CAST: variants seen among roughly 807,000 people sequenced by gnomAD.
CAST encodes MIR583 host.
Under a neutral mutation model 119.6 loss-of-function variants are expected in CAST, and 76 were observed. The observed-to-expected ratio is 0.64, with a 90% CI of 0.53 to 0.77. The LOEUF (loss-of-function observed/expected upper bound fraction) is 0.77. Ranked by LOEUF, CAST falls within the 30% of genes least tolerant of loss-of-function variation. The pLI is 0.00. For missense variants in CAST, 953 were observed against 946.5 expected (o/e 1.01, Z -0.09); for synonymous variants, 319 against 331.6 (o/e 0.96, Z 0.41).
chr5:96,006,434 T>C, the CAST span, among the ~76,000 whole-genome samples: 1 of 152,090 alleles, frequency 6.6e-6, no homozygotes, highest in African/African-American at 2.4e-5. Context: ...TGGGCCACAT[T>C]CCAAGCCATC....
intron 2 of CAST, among the ~76,000 whole-genome samples, chr5:96,690,289 T>C (rs112571962): frequency 0.042 from 6,342 of 152,206 alleles, 178 homozygotes; most frequent in Middle Eastern, 0.092. Flanking sequence ...TGGAATGCAA[T>C]GGTGTGATCT....
At chr5:96,646,479 G>T (rs953856139) in intron 1 of CAST, among the ~76,000 whole-genome samples, 18 of 152,208 alleles carry the variant, frequency 1.2e-4, no homozygotes, top group Non-Finnish European at 2.4e-4. Flanking sequence ...TGTCTTGCAA[G>T]ATGTATTGTT....
chr5:96,162,212 A>C, the CAST span, among the ~76,000 whole-genome samples: 5 of 152,356 alleles, frequency 3.3e-5, no homozygotes, highest in Admixed American at 2.0e-4. Flanking sequence ...TAAAGCATTC[A>C]GTCTTGTATC....
intron 1 of CAST, among the ~76,000 whole-genome samples, chr5:96,547,379 T>C (rs1290451004): frequency 6.6e-6 from 1 of 152,168 alleles, no homozygotes. Context: ...GTGCCACTTG[T>C]GTAAGTCCTT....
chr5:96,246,318 G>T, the CAST span, among the ~76,000 whole-genome samples: 1 of 151,898 alleles, frequency 6.6e-6, no homozygotes, highest in African/African-American at 2.4e-5. Flanking sequence ...GAGTAGCTGG[G>T]ACTACAGGCA....
Position 96,662,476 on chromosome 5 carries a change from C to A in CAST, c.54C>A (p.Ala18=). Residue 18 remains alanine (A), a synonymous_variant, in exon 1 of 32, where the codon GCC becomes GCA. Transcript: ENST00000675179. ...PAASPRPRRA[A]AARRTHEHVS... ...CCTCCCCGCGGCCCCGGCGAGCAGCCGCCGCCCGCCGCACCCATGAGGTGA... is the reference window on the plus strand; with the variant it reads ...CCTCCCCGCGGCCCCGGCGAGCAGCAGCCGCCCGCCGCACCCATGAGGTGA... The A allele has an allele frequency of 7.0e-7, 1 of 1,427,984 alleles. No individual in the cohort carries two copies. The highest frequency in any genetic ancestry group is 9.1e-7 in the Non-Finnish European group (1 of 1,094,698). 88.5% of individuals were successfully genotyped at this position (1,427,984 alleles called of 1,614,324 possible). A position where few individuals can be genotyped will look rare whatever the true frequency, so the allele number is the denominator to read the frequency against.
At chr5:96,651,248 G>T (rs1748091016) in intron 1 of CAST, among the ~76,000 whole-genome samples, 1 of 152,170 alleles carries the variant, frequency 6.6e-6, no homozygotes, top group Non-Finnish European at 1.5e-5. Context: ...AACTTGTAGT[G>T]GGACAAGAAC....
the CAST span, among the ~76,000 whole-genome samples, chr5:96,502,934 A>G: frequency 6.6e-6 from 1 of 152,128 alleles, no homozygotes; most frequent in African/African-American, 2.4e-5. Flanking sequence ...TTTTTCTGCC[A>G]TCCAACAAGC....
At chr5:95,982,983 A>C in the CAST span, among the ~76,000 whole-genome samples, 1 of 152,242 alleles carries the variant, frequency 6.6e-6, no homozygotes, top group African/African-American at 2.4e-5. Context: ...AAATGAAAGA[A>C]TGAGGCAATT....
rs57197870 is a variant in CAST, at chr5:96,759,874, A to G, written c.1833+2220A>G. Among the ~76,000 whole-genome samples, 62 of 152,144 alleles carry G rather than the reference A, an allele frequency of 4.1e-4. No homozygotes were observed. In the East Asian group the frequency reaches 0.011, roughly 28 times the overall value. ...ATCTTACTAATAAAATTTAACATAA[A>G]TGTGAGAAAATACAATAATCAGTAC... On this transcript the variant is annotated intron_variant, in intron 24 of 31. Coordinates refer to ENST00000675179, the MANE Select transcript of CAST (RefSeq NM_001750.7).
intron 3 of CAST, among the ~76,000 whole-genome samples, chr5:96,719,505 G>A (rs1040011656): frequency 1.3e-5 from 2 of 152,112 alleles, no homozygotes; most frequent in African/African-American, 4.8e-5. Context: ...GCGGGTGAGT[G>A]GAGAGTAATT....
At chr5:96,509,409 T>A in the CAST span, among the ~76,000 whole-genome samples, 1 of 152,200 alleles carries the variant, frequency 6.6e-6, no homozygotes, top group Non-Finnish European at 1.5e-5. Flanking sequence ...TTTGAAAAAG[T>A]ACTATCTCAA....
the CAST span, among the ~76,000 whole-genome samples, chr5:96,143,343 G>T: frequency 3.3e-5 from 5 of 152,296 alleles, no homozygotes; most frequent in Admixed American, 6.5e-5. Flanking sequence ...TGGGGATAGT[G>T]TGCCACCTGT....
At chr5:96,628,292 T>C (rs1284318677) in intron 1 of CAST, among the ~76,000 whole-genome samples, 2 of 152,214 alleles carry the variant, frequency 1.3e-5, no homozygotes, top group East Asian at 1.9e-4. Flanking sequence ...TGTTTGGTAT[T>C]CAAAAGAAAA....
the CAST span, among the ~76,000 whole-genome samples, chr5:96,220,002 C>T: frequency 1.3e-5 from 2 of 152,160 alleles, no homozygotes; most frequent in Admixed American, 6.5e-5. Flanking sequence ...GCCCAATGAA[C>T]AGCCATTCCT....
the CAST span, among the ~76,000 whole-genome samples, chr5:96,366,159 A>T: frequency 1.3e-5 from 2 of 152,076 alleles, no homozygotes; most frequent in African/African-American, 4.8e-5. Context: ...ATTGGCCCCC[A>T]CCCTCTTCTG....
chr5:96,314,505 C>A, the CAST span, among the ~76,000 whole-genome samples: 1 of 152,138 alleles, frequency 6.6e-6, no homozygotes, highest in Non-Finnish European at 1.5e-5. Flanking sequence ...TTGACTAGAC[C>A]AAGAGCCTTC....
the CAST span, among the ~76,000 whole-genome samples, chr5:96,493,280 T>C: frequency 2.0e-5 from 3 of 152,186 alleles, no homozygotes; most frequent in Non-Finnish European, 4.4e-5. Flanking sequence ...CATTTTCACT[T>C]CTCTTTAAGG....
At chr5:96,661,443 A>G (rs946193465), upstream of CAST, among the ~76,000 whole-genome samples, 116 of 131,538 alleles carry the variant, frequency 8.8e-4, no homozygotes, top group Middle Eastern at 4.0e-3. Flanking sequence ...AAAAAAAAAA[A>G]GGCTCTGCCT....
Sources: gnomAD v4.1 joint callset for allele counts (sites outside exome capture counted in the v4.1 genomes callset) on GRCh38, gnomAD v4.1.1 for gene constraint, MANE v1.5 for transcripts, NCBI Gene and HGNC (gene_info 2026-07-23, HGNC 2026-07-21) for gene names.